Variants in VEPH1 observed in about 807,000 individuals in gnomAD.
VEPH1 encodes the protein ventricular zone expressed PH domain containing 1, also known as ventricular zone-expressed PH domain-containing protein homolog 1.
VEPH1 carries 80 observed loss-of-function variants against 85.2 expected under a neutral mutation model. That is an observed-to-expected ratio of 0.94 (90% CI 0.78 to 1.13). VEPH1 has a LOEUF of 1.13. VEPH1 is among the 50% of genes most tolerant of loss of function. The pLI is 0.00. For synonymous variants in VEPH1, 297 were observed against 348.0 expected, an observed-to-expected ratio of 0.85 and a Z score of 1.63; for missense variants, 955 against 980.5, an observed-to-expected ratio of 0.97 and a Z score of 0.35.
Position 157,414,106 on chromosome 3 carries a change from AGAG to A in VEPH1, c.697-19_697-17del. The A allele has an allele frequency of 1.3e-6, 2 of 1,555,130 alleles. No homozygotes were observed. The highest frequency in any genetic ancestry group is 2.3e-5 in the East Asian group (1 of 44,358). On this transcript the variant is annotated splice_polypyrimidine_tract_variant and intron_variant, in intron 5 of 13. Coordinates refer to ENST00000362010, the MANE Select transcript of VEPH1 (RefSeq NM_001167912.2). ...TCTGAACTACCTATAAAGAGAGAGG[AGAG>A]GAGGAGGGAAGAAAGAAGGAAGAAA...
At chr3:157,310,536 G>T (rs989072920) in intron 11 of VEPH1, among the ~76,000 whole-genome samples, 5 of 152,200 alleles carry the variant, frequency 3.3e-5, no homozygotes, top group Non-Finnish European at 5.9e-5. Flanking sequence ...TCTGATAGGT[G>T]TATGAATCAA....
intron 8 of VEPH1, 83 bp from the exon 9 acceptor site, chr3:157,363,844 A>G: frequency 6.7e-7 from 1 of 1,487,938 alleles, no homozygotes; most frequent in Non-Finnish European, 9.0e-7. Flanking sequence ...ATATTGGGAC[A>G]AAAAGTTACT....
In VEPH1 at chr3:157,382,907, C is replaced by G. The variant is rs5009244; in HGVS notation, c.907-1531G>C. Among the ~76,000 whole-genome samples, 798 of 152,300 alleles carry G rather than the reference C, an allele frequency of 5.2e-3. 7 individuals carry two copies. Among genetic ancestry groups the G allele is most frequent in the African/African-American group, 0.016 (670 of 41,558 alleles). Reference sequence around the variant, plus strand: ...AGTGCAGAGGTGTGATCATGGCTCACTGCAGCCTTGACCTCCTGGGCTCAA... The same window carrying G: ...AGTGCAGAGGTGTGATCATGGCTCAGTGCAGCCTTGACCTCCTGGGCTCAA... On this transcript the variant is annotated intron_variant, in intron 6 of 13. Transcript: ENST00000362010.
chr3:157,272,265 CTT>C (rs1714672595), intron 12 of VEPH1, among the ~76,000 whole-genome samples: 1 of 31,678 alleles, frequency 3.2e-5, no homozygotes, highest in African/African-American at 9.9e-5. Flanking sequence ...TCCTTCCTTC[CTT>C]CCTTCCTTCC....
At chr3:157,417,975 G>A (rs1732046421) in intron 5 of VEPH1, among the ~76,000 whole-genome samples, 1 of 152,076 alleles carries the variant, frequency 6.6e-6, no homozygotes, top group Admixed American at 6.6e-5. Flanking sequence ...GCTTTGCCCT[G>A]CATGTGAACA....
chr3:157,369,206 C>T (rs1727208537), intron 7 of VEPH1, among the ~76,000 whole-genome samples: 1 of 29,956 alleles, frequency 3.3e-5, no homozygotes, highest in African/African-American at 9.4e-5. Context: ...AAAAAAAAAC[C>T]TCCTGAGGTC....
chr3:157,347,317 G>A (rs563239394), intron 9 of VEPH1, among the ~76,000 whole-genome samples: 77 of 152,226 alleles, frequency 5.1e-4, no homozygotes, highest in African/African-American at 1.8e-3. Context: ...CATTTCCTGG[G>A]GAAAAAACTC....
chr3:157,422,575 T>C (rs1404849852), intron 5 of VEPH1, among the ~76,000 whole-genome samples: 1 of 152,174 alleles, frequency 6.6e-6, no homozygotes, highest in Non-Finnish European at 1.5e-5. Context: ...ATTTCCCCAG[T>C]TGGGGACCTC....
rs771045358 is a variant in VEPH1 at position 157,442,470 on chromosome 3, G to C, written c.530-13982C>G. 26 of 1,614,062 alleles carry C rather than the reference G, an allele frequency of 1.6e-5. 1 individual carries two copies. The Middle Eastern group carries it at 4.9e-4, about 31-fold the overall frequency. ...TGAGTCTTTTAGTGCCTGCATTTGG[G>C]TCAAAGCCACAGATGTATTAAACAA... On this transcript the variant is annotated intron_variant, in intron 4 of 13. Transcript: ENST00000362010.
At chr3:157,403,708 A>C (rs926099815) in intron 6 of VEPH1, among the ~76,000 whole-genome samples, 8 of 152,188 alleles carry the variant, frequency 5.3e-5, no homozygotes, top group Admixed American at 5.2e-4. Flanking sequence ...TGACATTGTC[A>C]AAGATTATGA....
At chr3:157,465,471 A>T (rs1424283804) in intron 3 of VEPH1, among the ~76,000 whole-genome samples, 1 of 152,240 alleles carries the variant, frequency 6.6e-6, no homozygotes, top group Non-Finnish European at 1.5e-5. Flanking sequence ...CTCATGAGGC[A>T]GCTCCTCTTA....
At chr3:157,467,207 T>G (rs2109426586) in intron 3 of VEPH1, among the ~76,000 whole-genome samples, 1 of 149,792 alleles carries the variant, frequency 6.7e-6, no homozygotes, top group East Asian at 2.0e-4. Context: ...TCAAATGAAA[T>G]GGCCAAGGGT....
intron 9 of VEPH1, among the ~76,000 whole-genome samples, chr3:157,351,107 G>A (rs1037753310): frequency 1.3e-5 from 2 of 151,944 alleles, no homozygotes; most frequent in African/African-American, 2.4e-5. Flanking sequence ...GTTAAGATAC[G>A]GAATCAACCC....
intron 9 of VEPH1, among the ~76,000 whole-genome samples, chr3:157,335,228 C>T (rs1722851630): frequency 7.0e-6 from 1 of 142,536 alleles, no homozygotes; most frequent in Non-Finnish European, 1.5e-5. Context: ...AGTAGGACCA[C>T]ATCTCTATGA....
chr3:157,410,436 T>G (rs892217945), intron 6 of VEPH1, among the ~76,000 whole-genome samples: 7 of 152,170 alleles, frequency 4.6e-5, no homozygotes, highest in African/African-American at 1.7e-4. Flanking sequence ...CACCTCTCAA[T>G]GTACCTCAGG....
At chr3:157,342,481 C>T (rs2108654869) in intron 9 of VEPH1, among the ~76,000 whole-genome samples, 1 of 152,310 alleles carries the variant, frequency 6.6e-6, no homozygotes, top group South Asian at 2.1e-4. Flanking sequence ...AGCTAACTAT[C>T]CTAAATATAC....
At chr3:157,427,263 C>A (rs190184892) in intron 5 of VEPH1, among the ~76,000 whole-genome samples, 3 of 152,074 alleles carry the variant, frequency 2.0e-5, no homozygotes, top group Non-Finnish European at 4.4e-5. Context: ...GGATTACAGG[C>A]GTGAGCCACC....
intron 2 of VEPH1, among the ~76,000 whole-genome samples, chr3:157,477,204 T>TA (rs1737561462): frequency 6.6e-6 from 1 of 151,578 alleles, no homozygotes; most frequent in African/African-American, 2.4e-5. Context: ...TTTTTTTTTT[T>TA]AATCTGTTCT....
chr3:157,441,758 C>T (rs543065623), intron 4 of VEPH1, among the ~76,000 whole-genome samples: 12 of 150,894 alleles, frequency 8.0e-5, no homozygotes, highest in Admixed American at 2.0e-4. Flanking sequence ...TGCCGTGAGT[C>T]GAGATCGCAC....
Sources: allele counts gnomAD v4.1 joint callset (sites outside exome capture counted in the v4.1 genomes callset), GRCh38; gene constraint gnomAD v4.1.1; transcripts MANE v1.5; gene names NCBI Gene and HGNC (gene_info 2026-07-23, HGNC 2026-07-21).